The following ALLC variants were observed in gnomAD, a reference collection of about 807,000 sequenced individuals.
The protein encoded by ALLC is allantoicase.
In ALLC, 40 loss-of-function variants were observed where a neutral mutation model predicts 45.0. The observed-to-expected ratio is 0.89, with a 90% CI of 0.69 to 1.16. The LOEUF is 1.16. Among genes scored for constraint, ALLC ranks in the 50% most tolerant of loss-of-function variants. The pLI is 0.00. For synonymous variants in ALLC, 176 were observed against 178.1 expected, an observed-to-expected ratio of 0.99 and a Z score of 0.09; for missense variants, 488 against 493.1, an observed-to-expected ratio of 0.99 and a Z score of 0.10.
chr2:3,653,898 G>A (rs1558530010), upstream of ALLC, among the ~76,000 whole-genome samples: 1 of 152,288 alleles, frequency 6.6e-6, no homozygotes, highest in East Asian at 1.9e-4. This position sits in a 1 kb window ranked among gnomAD's most constrained non-coding sequence, Gnocchi z 4.1. Context: ...CCCTGCTGGG[G>A]TTTATCATCT....
Position 3,671,135 on chromosome 2 carries a change from G to A in ALLC, c.-23G>A, listed in dbSNP as rs773501884. ...GCTCCGAAGGAGGGAAGACTGACCC[G>A]GTTTCTGGACTTCACCCAGCTGATG... On this transcript the variant is annotated 5_prime_UTR_variant, in exon 2 of 12. Coordinates refer to ENST00000252505, the MANE Select transcript of ALLC (RefSeq NM_018436.4). The A allele has an allele frequency of 2.5e-6, 4 of 1,609,186 alleles. No individual in the cohort carries two copies. The highest frequency in any genetic ancestry group is 2.2e-5 in the East Asian group (1 of 44,788).
the ALLC span, among the ~76,000 whole-genome samples, chr2:3,647,455 C>T: frequency 8.7e-3 from 1,317 of 152,202 alleles, 7 homozygotes; most frequent in Non-Finnish European, 0.014. Context: ...CCCATCCTGC[C>T]GCAGAGTATT....
At chr2:3,646,388 G>T in the ALLC span, among the ~76,000 whole-genome samples, 3 of 152,226 alleles carry the variant, frequency 2.0e-5, no homozygotes, top group South Asian at 6.2e-4. Flanking sequence ...CAGCACCCAT[G>T]AACCTGGGAC....
chr2:3,682,936 T>C lies in ALLC; in HGVS notation c.379-6T>C. 1 of 1,612,540 alleles carries C rather than the reference T, an allele frequency of 6.2e-7. No individual in the cohort carries two copies. Among genetic ancestry groups the C allele is most frequent in the South Asian group, 1.1e-5 (1 of 90,694 alleles). On this transcript the variant is annotated splice_polypyrimidine_tract_variant and splice_region_variant and intron_variant, in intron 6 of 11. Coordinates refer to ENST00000252505, the MANE Select transcript of ALLC (RefSeq NM_018436.4). The stretch of plus-strand genomic sequence containing the variant: ...CAATTGCTGACATTTCTATATTTAT[T>C]GCTAGCTAAAATCCGACGACTGGAG...
the ALLC span, among the ~76,000 whole-genome samples, chr2:3,651,090 A>G: frequency 1.2e-4 from 18 of 152,140 alleles, no homozygotes; most frequent in South Asian, 3.1e-3. Flanking sequence ...GCACGCGTGT[A>G]TTTCTCAGAG....
chr2:3,682,628 C>T (rs913940652), intron 6 of ALLC, among the ~76,000 whole-genome samples: 2 of 152,158 alleles, frequency 1.3e-5, no homozygotes, highest in Admixed American at 6.5e-5. Context: ...CAGGTTCACG[C>T]CATTCTCCTG....
intron 1 of ALLC, among the ~76,000 whole-genome samples, chr2:3,663,892 T>C (rs1181180675): frequency 6.6e-6 from 1 of 152,266 alleles, no homozygotes; most frequent in Non-Finnish European, 1.5e-5. Flanking sequence ...CTGTTCAGTA[T>C]AGTAGCCATC....
chr2:3,663,419 C>T (rs959165806), intron 1 of ALLC, among the ~76,000 whole-genome samples: 3 of 152,032 alleles, frequency 2.0e-5, no homozygotes, highest in East Asian at 1.9e-4. Context: ...TGGGGCCTGT[C>T]GGAAGTCGGG....
At chr2:3,663,648 A>G (rs1321201173) in intron 1 of ALLC, among the ~76,000 whole-genome samples, 1 of 152,122 alleles carries the variant, frequency 6.6e-6, no homozygotes, top group East Asian at 1.9e-4. Flanking sequence ...CTTCAATGGT[A>G]AGTAGCCAAA....
intron 2 of ALLC, among the ~76,000 whole-genome samples, chr2:3,672,097 CGGAGGTCCTCTGGCTCTAGTTAGATT>C (rs1666892755): frequency 2.4e-5 from 2 of 84,870 alleles, no homozygotes; most frequent in African/African-American, 6.2e-5. Context: ...GTGGTTAGAT[CGGAGGTCCTCTGGCTCTAGTTAGATT>C]GGAGGTCCTC....
At chr2:3,651,418 T>A in the ALLC span, among the ~76,000 whole-genome samples, 9 of 54,256 alleles carry the variant, frequency 1.7e-4, no homozygotes, top group East Asian at 2.7e-4. Context: ...TGTGTGTGTG[T>A]GTGTGTGTGT....
chr2:3,660,854 A>T (rs189157432), intron 1 of ALLC, among the ~76,000 whole-genome samples: 1 of 150,178 alleles, frequency 6.7e-6, no homozygotes, highest in Admixed American at 6.6e-5. Context: ...GGTGATCGGA[A>T]TGAGTCAGGG....
chr2:3,694,183 C>G (rs1667597162), intron 7 of ALLC, among the ~76,000 whole-genome samples: 1 of 152,142 alleles, frequency 6.6e-6, no homozygotes, highest in African/African-American at 2.4e-5. Flanking sequence ...AGTGGAAGCC[C>G]TGCTTTTCTG....
At chr2:3,671,306 C>T in intron 2 of ALLC, 116 bp downstream of exon 2, 6 of 1,236,462 alleles carry the variant, frequency 4.9e-6, no homozygotes, top group Non-Finnish European at 6.9e-6. Flanking sequence ...AAGTGTTGGC[C>T]TGCCCAAGGA....
upstream of ALLC, among the ~76,000 whole-genome samples, chr2:3,655,608 A>G (rs1666420221): frequency 1.3e-5 from 2 of 152,260 alleles, no homozygotes; most frequent in African/African-American, 4.8e-5. Context: ...GGTGTGTGTC[A>G]TCATGCTTGT....
intron 7 of ALLC, among the ~76,000 whole-genome samples, chr2:3,692,292 T>C (rs1667543630): frequency 6.6e-6 from 1 of 152,214 alleles, no homozygotes; most frequent in Non-Finnish European, 1.5e-5. Flanking sequence ...TTAGCTTCCC[T>C]GGGCCACATT....
Position 3,682,687 on chromosome 2 carries a change from G to A in ALLC, c.379-255G>A, listed in dbSNP as rs569084289. Among the ~76,000 whole-genome samples the A allele has an allele frequency of 3.3e-5, 5 of 152,140 alleles. No homozygotes were observed. In the East Asian group the frequency reaches 7.8e-4, roughly 24 times the overall value. On this transcript the variant is annotated intron_variant, in intron 6 of 11. Transcript: ENST00000252505. The stretch of plus-strand genomic sequence containing the variant: ...ACTACAGGCGCCCGCCACCACGCCC[G>A]GCTAATTTTTTGTATTTCTAGTACA...
intron 7 of ALLC, among the ~76,000 whole-genome samples, chr2:3,690,026 C>T (rs1438792975): frequency 1.4e-5 from 2 of 147,344 alleles, no homozygotes; most frequent in African/African-American, 4.9e-5. Context: ...CTTTTTTGGC[C>T]TCTGGTTGCA....
At chr2:3,684,417 C>A (rs960439067) in intron 7 of ALLC, among the ~76,000 whole-genome samples, 1 of 152,116 alleles carries the variant, frequency 6.6e-6, no homozygotes, top group African/African-American at 2.4e-5. Flanking sequence ...GATCTCTATT[C>A]ACTTGTCTTA....
Sources: allele counts gnomAD v4.1 joint callset (sites outside exome capture counted in the v4.1 genomes callset), GRCh38; gene constraint gnomAD v4.1.1; non-coding constraint Gnocchi (gnomAD v3.1); transcripts MANE v1.5; gene names NCBI Gene and HGNC (gene_info 2026-07-23, HGNC 2026-07-21).